The following RPTOR variants were observed in gnomAD, a reference collection of about 807,000 sequenced individuals.
RPTOR encodes regulatory-associated protein of mTOR.
A neutral mutation model predicts 169.9 loss-of-function variants in RPTOR; 21 were observed. That is an observed-to-expected ratio of 0.12 (90% CI 0.09 to 0.18). The LOEUF is 0.18. RPTOR is among the 10% of genes least tolerant of loss of function. The pLI is 1.00. For missense variants in RPTOR, 1,133 were observed against 1,855.9 expected, an observed-to-expected ratio of 0.61 and a Z score of 7.16; for synonymous variants, 732 against 753.2, an observed-to-expected ratio of 0.97 and a Z score of 0.46.
intron 1 of RPTOR, among the ~76,000 whole-genome samples, chr17:80,590,180 G>A (rs577004670): frequency 6.2e-4 from 95 of 152,366 alleles, no homozygotes; most frequent in Admixed American, 1.8e-3. Context: ...GGTAAAGTAG[G>A]CATGCAGGTA....
chr17:80,700,415 GTGA>G (rs2066074836), intron 3 of RPTOR, among the ~76,000 whole-genome samples: 1 of 148,046 alleles, frequency 6.8e-6, no homozygotes, highest in Non-Finnish European at 1.5e-5. Flanking sequence ...GGTGGTGGTG[GTGA>G]TGGTGATGGT....
At chr17:80,758,998 C>G (rs966921310) in intron 6 of RPTOR, among the ~76,000 whole-genome samples, 2 of 151,560 alleles carry the variant, frequency 1.3e-5, no homozygotes, top group African/African-American at 4.9e-5. Context: ...TTCTCTCAGG[C>G]ATTTTGTTTT....
chr17:80,607,832 T>C (rs922722922), intron 1 of RPTOR, among the ~76,000 whole-genome samples: 6 of 152,018 alleles, frequency 3.9e-5, no homozygotes, highest in Non-Finnish European at 8.8e-5. Flanking sequence ...TTAAACCCCG[T>C]ACTGAAGGTA....
intron 13 of RPTOR, among the ~76,000 whole-genome samples, chr17:80,877,403 G>T (rs2068133050): frequency 6.6e-6 from 1 of 152,204 alleles, no homozygotes; most frequent in South Asian, 2.1e-4. Context: ...TTCCCACCTG[G>T]CATAATGACC....
rs912026038 is a variant in RPTOR, at chr17:80,730,690, G to A, written c.638G>A (p.Arg213Gln). 8 of 1,612,566 alleles carry A rather than the reference G, an allele frequency of 5.0e-6. No homozygotes were observed. Among genetic ancestry groups the A allele is most frequent in the Admixed American group, 1.7e-5 (1 of 59,994 alleles). ...VKSFKQFALQREQELEVAAIN... is the reference protein window; with the variant it reads ...VKSFKQFALQQEQELEVAAIN... ...TCCTTCAAGCAGTTCGCACTACAGC[G>A]GGAGCAGGAGCTGGAGGTGAGCGCT... Residue 213 changes from arginine (R) to glutamine (Q), a missense_variant, in exon 5 of 34, where the codon CGG becomes CAG. Arg to Gln is a conservative substitution (Grantham distance 43, BLOSUM62 1). Transcript: ENST00000306801. The surrounding 1 kb of genome is among the most constrained non-coding windows in gnomAD (Gnocchi z 4.2).
intron 3 of RPTOR, among the ~76,000 whole-genome samples, chr17:80,698,273 C>T (rs1433052235): frequency 1.3e-5 from 2 of 152,204 alleles, no homozygotes; most frequent in Admixed American, 6.5e-5. Flanking sequence ...GCACCAGGCA[C>T]TGGGCCCCAT....
chr17:80,963,089 C>A, intron 33 of RPTOR, 32 bp downstream of exon 33: 1 of 40,296 alleles, frequency 2.5e-5, no homozygotes, highest in Non-Finnish European at 3.9e-5. Context: ...GGTCGGGGGT[C>A]GGGGGCTGGG....
intron 6 of RPTOR, among the ~76,000 whole-genome samples, chr17:80,787,071 C>T (rs905638060): frequency 2.0e-5 from 3 of 152,212 alleles, no homozygotes; most frequent in African/African-American, 7.2e-5. Context: ...GCACCTGCCG[C>T]CCCCGCCCTG....
intron 20 of RPTOR, among the ~76,000 whole-genome samples, chr17:80,901,813 C>T (rs1435090932): frequency 1.3e-5 from 2 of 152,058 alleles, no homozygotes; most frequent in Non-Finnish European, 2.9e-5. Flanking sequence ...GAAGCCCCGC[C>T]CCCAGCGCCC....
intron 2 of RPTOR, among the ~76,000 whole-genome samples, chr17:80,640,819 C>T (rs1240476263): frequency 2.0e-5 from 3 of 152,138 alleles, no homozygotes; most frequent in Non-Finnish European, 2.9e-5. Context: ...TTCCTCTGTC[C>T]GTGGTTCACT....
Position 80,891,809 on chromosome 17 carries a change from C to T in RPTOR, c.2073C>T (p.Asn691=), listed in dbSNP as rs1256663965. The change falls in exon 18 of 34, where the codon AAC becomes AAT. Residue 691 remains asparagine, a synonymous_variant. Coordinates refer to ENST00000306801, the MANE Select transcript of RPTOR (RefSeq NM_020761.3). ...VALQFIEEEK[N]YALPSPATTE... is the part of the protein sequence containing the mutation. ...TGCAGTTCATAGAAGAGGAAAAGAACTACGCCTTGCCTTCTCCAGCAACCA... is the reference window on the plus strand; with the variant it reads ...TGCAGTTCATAGAAGAGGAAAAGAATTACGCCTTGCCTTCTCCAGCAACCA... 3 of 1,613,872 alleles carry T rather than the reference C, an allele frequency of 1.9e-6. No homozygotes were observed. The Admixed American group carries it at 5.0e-5, about 27-fold the overall frequency.
chr17:80,569,783 G>A (rs1599559129), intron 1 of RPTOR, among the ~76,000 whole-genome samples: 1 of 152,168 alleles, frequency 6.6e-6, no homozygotes, highest in East Asian at 1.9e-4. Flanking sequence ...CTAGTCTAGA[G>A]AAGCCTTTAC....
chr17:80,574,467 GT>G (rs970253585), intron 1 of RPTOR, among the ~76,000 whole-genome samples: 23 of 148,380 alleles, frequency 1.6e-4, no homozygotes, highest in African/African-American at 4.7e-4. Context: ...CGCCCGGCCG[GT>G]TTTTTTTTTC....
At chr17:80,837,731 C>T (rs1478925461) in intron 9 of RPTOR, among the ~76,000 whole-genome samples, 191 bp from the exon 10 acceptor site, 3 of 152,236 alleles carry the variant, frequency 2.0e-5, no homozygotes, top group African/African-American at 7.2e-5. Flanking sequence ...CTCCTGGCCT[C>T]CCCTCGGACG....
At chr17:80,867,605 G>A (rs1283223836) in intron 13 of RPTOR, among the ~76,000 whole-genome samples, 5 of 152,070 alleles carry the variant, frequency 3.3e-5, no homozygotes, top group Non-Finnish European at 7.4e-5. Context: ...CAGACAGCAT[G>A]ATTGTCTATG....
chr17:80,556,722 A>G (rs942613558), intron 1 of RPTOR, among the ~76,000 whole-genome samples: 2 of 151,380 alleles, frequency 1.3e-5, no homozygotes, highest in Admixed American at 6.6e-5. Context: ...AAATGGATAT[A>G]CTTTTCATTA....
At chr17:80,741,819 G>A (rs1231414593) in intron 5 of RPTOR, among the ~76,000 whole-genome samples, 1 of 152,192 alleles carries the variant, frequency 6.6e-6, no homozygotes, top group African/African-American at 2.4e-5. Context: ...GGAGAGGCCA[G>A]TCGAGGCCTG....
At chr17:80,724,835 C>A (rs1380946022) in intron 4 of RPTOR, among the ~76,000 whole-genome samples, 1 of 152,180 alleles carries the variant, frequency 6.6e-6, no homozygotes, top group African/African-American at 2.4e-5. Context: ...ACGACACTTG[C>A]GCTTGCCTTT....
chr17:80,639,731 G>A (rs2065537563), intron 2 of RPTOR, among the ~76,000 whole-genome samples: 1 of 152,262 alleles, frequency 6.6e-6, no homozygotes, highest in African/African-American at 2.4e-5. Flanking sequence ...CCAGCTGGGA[G>A]GTGGGAGAGT....
Sources: allele counts gnomAD v4.1 joint callset (sites outside exome capture counted in the v4.1 genomes callset), GRCh38; gene constraint gnomAD v4.1.1; non-coding constraint Gnocchi (gnomAD v3.1); transcripts MANE v1.5; gene names NCBI Gene and HGNC (gene_info 2026-07-23, HGNC 2026-07-21).